The following CARD16 variants were observed in gnomAD, a reference collection of about 807,000 sequenced individuals.
CARD16 encodes caspase recruitment domain-containing protein 16.
A neutral mutation model predicts 11.9 loss-of-function variants in CARD16; 8 were observed. The ratio of observed to expected loss-of-function variants is 0.67; its 90% confidence interval spans 0.39 to 1.21. The LOEUF is 1.21. Ranked by LOEUF, CARD16 falls within the 50% of genes most tolerant of loss-of-function variation. CARD16 has a pLI of 0.01. For synonymous variants in CARD16, 44 were observed against 43.8 expected (o/e 1.00, Z -0.02); for missense variants, 131 against 118.1 (o/e 1.11, Z -0.51).
intron 1 of CARD16, chr11:105,044,974 A>G (rs1864174103): frequency 3.3e-6 from 2 of 599,328 alleles, no homozygotes; most frequent in African/African-American, 3.7e-5. Context: ...CATTTCATTT[A>G]GGAACCACTG....
intron 3 of CARD16, 70 bp downstream of exon 3, chr11:105,043,413 C>A (rs1330644011): frequency 8.4e-6 from 9 of 1,066,396 alleles, no homozygotes; most frequent in East Asian, 2.4e-5. Flanking sequence ...TCAAGCAGAG[C>A]TCATTCCACT....
intron 3 of CARD16, among the ~76,000 whole-genome samples, chr11:105,042,118 T>C (rs933638206): frequency 5.3e-5 from 8 of 152,124 alleles, no homozygotes; most frequent in Non-Finnish European, 1.0e-4. Flanking sequence ...CACTAATTAA[T>C]TTTTAAAATA....
Position 105,045,299 on chromosome 11 carries a change from G to T in CARD16, c.-2C>A. ...AACAGTAAAAGACTCACCGGCCATG[G>T]CTTTTCTCTCCTACCCTTCTTGTGT... On this transcript the variant is annotated 5_prime_UTR_variant, in exon 1 of 4. Coordinates refer to ENST00000673097, the MANE Select transcript of CARD16 (RefSeq NM_052889.4). The T allele has an allele frequency of 6.2e-7, 1 of 1,613,946 alleles. No homozygotes were observed. Among genetic ancestry groups the T allele is most frequent in the Non-Finnish European group, 8.5e-7 (1 of 1,179,884 alleles).
At chr11:105,045,202 C>G (rs762754242) in intron 1 of CARD16, 89 bp downstream of exon 1, 2 of 1,582,114 alleles carry the variant, frequency 1.3e-6, no homozygotes, top group Non-Finnish European at 1.7e-6. Context: ...TAAACTTCCA[C>G]AGATACTAAT....
chr11:105,044,454 A>C lies in CARD16; in HGVS notation c.212T>G (p.Ile71Ser). Residue 71 changes from isoleucine (I) to serine (S), a missense_variant, in exon 2 of 4, where the codon ATT becomes AGT. Coordinates refer to ENST00000673097, the MANE Select transcript of CARD16 (RefSeq NM_052889.4). Reference sequence around the variant, plus strand: ...TTCTTCACAAATGTATGTGATGCAAATTTGGCATGCCTGTGCCCCTTTCGG... The same window carrying C: ...TTCTTCACAAATGTATGTGATGCAACTTTGGCATGCCTGTGCCCCTTTCGG... ...VIPKGAQACQ[I>S]CITYICEEDS... is the part of the protein sequence containing the mutation. The C allele has an allele frequency of 6.2e-7, 1 of 1,614,146 alleles. No individual in the cohort carries two copies.
chr11:105,044,046 A>C, intron 2 of CARD16: 1 of 397,950 alleles, frequency 2.5e-6, no homozygotes, highest in Non-Finnish European at 4.6e-6. Context: ...ATAAGGGCTT[A>C]GGGACACCCT....
At chr11:105,042,093 G>A (rs1036112378) in intron 3 of CARD16, among the ~76,000 whole-genome samples, 2 of 152,134 alleles carry the variant, frequency 1.3e-5, no homozygotes, top group African/African-American at 4.8e-5. Flanking sequence ...TTTAATGGGA[G>A]CAGGTCTTAA....
chr11:105,044,300 A>G, intron 2 of CARD16, 92 bp downstream of exon 2: 5 of 1,580,774 alleles, frequency 3.2e-6, no homozygotes, highest in Non-Finnish European at 4.3e-6. Flanking sequence ...ATAAGAAGAT[A>G]TTCTGCAGAT....
intron 2 of CARD16, chr11:105,043,827 A>G (rs905766618): frequency 1.4e-5 from 5 of 362,902 alleles, no homozygotes; most frequent in African/African-American, 4.3e-5. Flanking sequence ...GGCAACAGAC[A>G]AGCAGATCTT....
In CARD16 at chr11:105,044,436, C is replaced by T; in HGVS notation, c.230G>A (p.Cys77Tyr). ...QACQICITYI[C>Y]EEDSYLAETL... ...CTCTGCCAGGTAACTGTCTTCTTCA[C>T]AAATGTATGTGATGCAAATTTGGCA... Residue 77 changes from cysteine (C) to tyrosine (Y), a missense_variant, in exon 2 of 4, where the codon TGT becomes TAT. Coordinates refer to ENST00000673097, the MANE Select transcript of CARD16 (RefSeq NM_052889.4). The T allele has an allele frequency of 1.9e-6, 3 of 1,614,124 alleles. No homozygotes were observed. Among genetic ancestry groups the T allele is most frequent in the Non-Finnish European group, 2.5e-6 (3 of 1,179,976 alleles).
chr11:105,044,513 C>G lies in CARD16; in HGVS notation c.153G>C (p.Met51Ile), dbSNP rs372103546. The G allele has an allele frequency of 2.2e-5, 35 of 1,613,984 alleles. No homozygotes were observed. The highest frequency in any genetic ancestry group is 4.2e-6 in the Non-Finnish European group (5 of 1,179,986). The change falls in exon 2 of 4, where the codon ATG becomes ATC. Residue 51 changes from methionine to isoleucine, a missense_variant. Physicochemically the swap from Met to Ile is conservative, Grantham distance 10. Coordinates refer to ENST00000673097, the MANE Select transcript of CARD16 (RefSeq NM_052889.4). ...EKVKRENATV[M>I]DKTRALIDSV... is the part of the protein sequence containing the mutation. ...AGTCAATCAAAGCTCGGGTCTTATC[C>G]ATAACTGTAGCATTTTCACGTTTTA...
intron 3 of CARD16, 51 bp from the exon 4 acceptor site, chr11:105,041,770 T>C (rs369797790): frequency 3.9e-6 from 6 of 1,539,208 alleles, no homozygotes; most frequent in Middle Eastern, 1.7e-4. Flanking sequence ...TTTGTTCTTA[T>C]AGCCTCACCT....
chr11:105,043,384 G>A, intron 3 of CARD16, 99 bp downstream of exon 3: 4 of 794,036 alleles, frequency 5.0e-6, no homozygotes, highest in Non-Finnish European at 8.2e-6. Context: ...TCAGTCTATG[G>A]GAATTCTCCA....
intron 2 of CARD16, chr11:105,044,056 T>A: frequency 2.4e-6 from 1 of 414,854 alleles, no homozygotes; most frequent in Non-Finnish European, 4.4e-6. Flanking sequence ...AGGGACACCC[T>A]GGACACAAAA....
Position 105,041,704 on chromosome 11 carries a change from T to C in CARD16, c.*59A>G. ...GCATGTGGGCATAGCTGGGTTGTCCTGCACTGCCTGAAGAGCTGCAAGAGA... is the reference window on the plus strand; with the variant it reads ...GCATGTGGGCATAGCTGGGTTGTCCCGCACTGCCTGAAGAGCTGCAAGAGA... On this transcript the variant is annotated 3_prime_UTR_variant, in exon 4 of 4. Transcript: ENST00000673097. The C allele has an allele frequency of 6.2e-7, 1 of 1,613,812 alleles. No individual in the cohort carries two copies. The highest frequency in any genetic ancestry group is 8.5e-7 in the Non-Finnish European group (1 of 1,179,818).
chr11:105,044,207 G>T, intron 2 of CARD16, 185 bp downstream of exon 2: 3 of 878,898 alleles, frequency 3.4e-6, no homozygotes, highest in Non-Finnish European at 3.5e-6. Context: ...TCAGAAGAGG[G>T]CACTGAGGAT....
chr11:105,044,360 G>A (rs751920598), intron 2 of CARD16, 32 bp downstream of exon 2: 3 of 1,613,418 alleles, frequency 1.9e-6, no homozygotes, highest in South Asian at 2.2e-5. Flanking sequence ...ACAGGCCCTA[G>A]GTGAACTTGA....
intron 2 of CARD16, among the ~76,000 whole-genome samples, 179 bp from the exon 3 acceptor site, chr11:105,043,724 A>T (rs1180884631): frequency 6.6e-6 from 1 of 152,160 alleles, no homozygotes; most frequent in Admixed American, 6.6e-5. Context: ...AGGGATTATA[A>T]GAATGGGCAA....
chr11:105,044,011 C>T, intron 2 of CARD16: 1 of 316,310 alleles, frequency 3.2e-6, no homozygotes, highest in Non-Finnish European at 5.8e-6. Flanking sequence ...GAATACAGAC[C>T]CTAAAGCTCA....
Sources: gnomAD v4.1 joint callset for allele counts (sites outside exome capture counted in the v4.1 genomes callset) on GRCh38, gnomAD v4.1.1 for gene constraint, MANE v1.5 for transcripts, NCBI Gene and HGNC (gene_info 2026-07-23, HGNC 2026-07-21) for gene names.